The following RNF149 variants were observed in gnomAD, a reference collection of about 807,000 sequenced individuals.
RNF149 encodes E3 ubiquitin-protein ligase RNF149.
Under a neutral mutation model 39.0 loss-of-function variants are expected in RNF149, and 21 were observed. That is an observed-to-expected ratio of 0.54 (90% CI 0.38 to 0.77). The LOEUF is 0.77. RNF149 is among the 30% of genes least tolerant of loss of function. RNF149 has a pLI of 0.00. For synonymous variants in RNF149, 209 were observed against 213.6 expected (o/e 0.98, Z 0.19); for missense variants, 493 against 534.9 (o/e 0.92, Z 0.77).
At position 101,308,117 on chromosome 2, in the gene RNF149, C is replaced by T; in HGVS notation, c.460+12G>A. 5 of 1,605,498 alleles carry T rather than the reference C, an allele frequency of 3.1e-6. No homozygotes were observed. Among genetic ancestry groups the T allele is most frequent in the Non-Finnish European group, 4.2e-6 (5 of 1,177,134 alleles). On this transcript the variant is annotated intron_variant, in intron 1 of 6. Coordinates refer to ENST00000295317, the MANE Select transcript of RNF149 (RefSeq NM_173647.4). ...AAGTCCCCCTCCCGTCCTCGCGCCCCGGCCTGCTCACCCGCGTGAGACATG... is the reference window on the plus strand; with the variant it reads ...AAGTCCCCCTCCCGTCCTCGCGCCCTGGCCTGCTCACCCGCGTGAGACATG...
At chr2:101,275,254 A>G (rs1335145034), downstream of RNF149, among the ~76,000 whole-genome samples, 2 of 149,320 alleles carry the variant, frequency 1.3e-5, no homozygotes, top group Non-Finnish European at 3.0e-5. Flanking sequence ...AGTAGCTGGG[A>G]CTACAGGCAC....
intron 6 of RNF149, among the ~76,000 whole-genome samples, chr2:101,279,694 A>G (rs1299129624): frequency 6.6e-6 from 1 of 152,162 alleles, no homozygotes; most frequent in African/African-American, 2.4e-5. Flanking sequence ...AATTCTCTGA[A>G]ATCTATTCTC....
intron 5 of RNF149, among the ~76,000 whole-genome samples, chr2:101,284,503 C>T (rs960448284): frequency 5.3e-5 from 8 of 152,056 alleles, no homozygotes; most frequent in Admixed American, 5.2e-4. Context: ...ATCACTTGAA[C>T]CCATGAGGCA....
intron 1 of RNF149, among the ~76,000 whole-genome samples, chr2:101,305,037 C>T (rs1180355351): frequency 3.3e-5 from 5 of 151,982 alleles, no homozygotes; most frequent in African/African-American, 1.2e-4. Flanking sequence ...GACAGGGTTT[C>T]ACCATGTTGG....
At chr2:101,297,187 C>A (rs765285209) in intron 1 of RNF149, among the ~76,000 whole-genome samples, 1 of 151,228 alleles carries the variant, frequency 6.6e-6, no homozygotes, top group Non-Finnish European at 1.5e-5. Flanking sequence ...CCAGCCTGGG[C>A]GACAAGAGCA....
chr2:101,272,844 A>G (rs750783), downstream of RNF149: 334,040 of 812,060 alleles, frequency 0.41, 70,508 homozygotes, highest in East Asian at 0.52. Flanking sequence ...ACAATCACCT[A>G]TTCCTGAAGG....
At chr2:101,295,262 T>G in intron 1 of RNF149, 81 bp from the exon 2 acceptor site, 1 of 1,195,932 alleles carries the variant, frequency 8.4e-7, no homozygotes, top group Non-Finnish European at 1.2e-6. Context: ...AAGGGTACTA[T>G]GTTCATCTAC....
chr2:101,279,718 A>G (rs1682499765), intron 6 of RNF149, among the ~76,000 whole-genome samples: 1 of 152,102 alleles, frequency 6.6e-6, no homozygotes, highest in African/African-American at 2.4e-5. Flanking sequence ...TTTTTGTTCC[A>G]CAATGCAGTC....
Position 101,308,663 on chromosome 2 carries a change from C to T in RNF149, c.-75G>A, listed in dbSNP as rs982240279. On this transcript the variant is annotated 5_prime_UTR_variant, in exon 1 of 7. Coordinates refer to ENST00000295317, the MANE Select transcript of RNF149 (RefSeq NM_173647.4). ...GGTGCAGTCGAAGAGCAGAGAGAAG[C>T]GGACACCCACCGCCGCCCTGGAAGA... The T allele has an allele frequency of 3.8e-6, 5 of 1,308,674 alleles. No individual in the cohort carries two copies. The highest frequency in any genetic ancestry group is 4.0e-6 in the Non-Finnish European group (4 of 997,792). 81.1% of individuals were successfully genotyped at this position (1,308,674 alleles called of 1,614,324 possible).
At chr2:101,302,505 G>A (rs1052039439) in intron 1 of RNF149, among the ~76,000 whole-genome samples, 3 of 152,142 alleles carry the variant, frequency 2.0e-5, no homozygotes, top group South Asian at 2.1e-4. Flanking sequence ...AAAATATTTT[G>A]TATTTTTGAA....
chr2:101,282,473 CTG>C (rs1448445740), intron 5 of RNF149, among the ~76,000 whole-genome samples: 1 of 151,964 alleles, frequency 6.6e-6, no homozygotes. Context: ...TGCCTTCAGA[CTG>C]TATTATTTTC....
At chr2:101,290,594 T>A (rs1044633392) in intron 3 of RNF149, among the ~76,000 whole-genome samples, 3 of 152,154 alleles carry the variant, frequency 2.0e-5, no homozygotes, top group Admixed American at 6.5e-5. Context: ...TGGAATCATA[T>A]AAAGTAACGT....
rs533821527 is a variant in RNF149 at position 101,288,260 on chromosome 2, G to A, written c.863+713C>T. Among the ~76,000 whole-genome samples the A allele has an allele frequency of 9.8e-4, 127 of 129,820 alleles. 1 individual carries two copies. Among genetic ancestry groups the A allele is most frequent in the African/African-American group, 3.4e-3 (118 of 34,290 alleles). 85.2% of individuals were successfully genotyped at this position (129,820 alleles called of 152,430 possible). On this transcript the variant is annotated intron_variant, in intron 4 of 6. Coordinates refer to ENST00000295317, the MANE Select transcript of RNF149 (RefSeq NM_173647.4). ...TTTTTTTTTTTTTTTTTTTTGAGAC[G>A]GAGTCTCACTCTGTCACCTAGGCTG...
intron 6 of RNF149, among the ~76,000 whole-genome samples, chr2:101,279,290 G>T (rs1682482518): frequency 6.6e-6 from 1 of 152,152 alleles, no homozygotes; most frequent in South Asian, 2.1e-4. Flanking sequence ...TTCTACCCAT[G>T]ATTTCATGAT....
chr2:101,274,234 T>C (rs183384729), downstream of RNF149, among the ~76,000 whole-genome samples: 3 of 152,300 alleles, frequency 2.0e-5, no homozygotes, highest in East Asian at 1.9e-4. Flanking sequence ...CCACTCTGTC[T>C]TGGCATCTTG....
chr2:101,294,894 CT>C (rs768160464), intron 2 of RNF149, 36 bp downstream of exon 2: 5 of 1,542,598 alleles, frequency 3.2e-6, no homozygotes, highest in Non-Finnish European at 4.4e-6. Context: ...TATGAATTAT[CT>C]TTTAAAAAGC....
Position 101,289,064 on chromosome 2 carries a change from A to T in RNF149, c.781-9T>A, listed in dbSNP as rs769514935. The T allele has an allele frequency of 1.1e-5, 16 of 1,516,664 alleles. No individual in the cohort carries two copies. The highest frequency in any genetic ancestry group is 1.4e-5 in the Non-Finnish European group (15 of 1,094,110). The allele number at this position is 1,516,664 out of a possible 1,614,324, so 94.0% of individuals were successfully genotyped here. On this transcript the variant is annotated splice_polypyrimidine_tract_variant and intron_variant, in intron 3 of 6. Transcript: ENST00000295317. Reference sequence around the variant, plus strand: ...GCATCAACATCAATTCCCTGTAAAAAGAAAAGGAAAGTGTTACTACATTCT... The same window carrying T: ...GCATCAACATCAATTCCCTGTAAAATGAAAAGGAAAGTGTTACTACATTCT...
At chr2:101,278,321 A>C (rs1682430867) in intron 6 of RNF149, among the ~76,000 whole-genome samples, 1 of 151,964 alleles carries the variant, frequency 6.6e-6, no homozygotes, top group South Asian at 2.1e-4. Flanking sequence ...CGCCCCGCTA[A>C]TTTTAAGTAG....
At chr2:101,304,835 ATTTTTT>A (rs11340908) in intron 1 of RNF149, among the ~76,000 whole-genome samples, 1 of 89,748 alleles carries the variant, frequency 1.1e-5, no homozygotes, top group Non-Finnish European at 2.2e-5. Context: ...GACTACTAGT[ATTTTTT>A]TTTTTTTTTT....
Sources: gnomAD v4.1 joint callset for allele counts (sites outside exome capture counted in the v4.1 genomes callset) on GRCh38, gnomAD v4.1.1 for gene constraint, MANE v1.5 for transcripts, NCBI Gene and HGNC (gene_info 2026-07-23, HGNC 2026-07-21) for gene names.